Variants in PCDHGA5 observed in about 807,000 individuals in gnomAD.
The protein encoded by PCDHGA5 is protocadherin gamma-A5.
Under a neutral mutation model 56.7 loss-of-function variants are expected in PCDHGA5, and 36 were observed. That is an observed-to-expected ratio of 0.64 (90% CI 0.49 to 0.84). The LOEUF (loss-of-function observed/expected upper bound fraction) is 0.84, where lower values mean the gene tolerates loss of function less well. Among genes scored for constraint, PCDHGA5 ranks in the 40% least tolerant of loss-of-function variants. The pLI is 0.00. For synonymous variants in PCDHGA5, 563 were observed against 520.2 expected (o/e 1.08, Z -1.12); for missense variants, 1,305 against 1,201.5 (o/e 1.09, Z -1.27).
chr5:141,500,445 G>A (rs1319009998), intron 2 of PCDHGA5, among the ~76,000 whole-genome samples: 1 of 151,816 alleles, frequency 6.6e-6, no homozygotes, highest in Non-Finnish European at 1.5e-5. Flanking sequence ...TCCTGACCTC[G>A]TGATCCGCCC....
chr5:141,506,017 C>G (rs2099850061), intron 3 of PCDHGA5, among the ~76,000 whole-genome samples: 1 of 152,176 alleles, frequency 6.6e-6, no homozygotes, highest in Non-Finnish European at 1.5e-5. Flanking sequence ...TTTGCTGCCC[C>G]TAACTCCAGA....
At chr5:141,423,882 C>T in intron 1 of PCDHGA5, 3 of 1,282,372 alleles carry the variant, frequency 2.3e-6, no homozygotes, top group Non-Finnish European at 3.0e-6. Context: ...TCAATCTTGG[C>T]ATATTTTCTT....
chr5:141,401,125 C>T (rs2094118410), intron 1 of PCDHGA5, among the ~76,000 whole-genome samples: 1 of 152,200 alleles, frequency 6.6e-6, no homozygotes, highest in South Asian at 2.1e-4. Context: ...GGTTGGATCA[C>T]ATGGTCAGGA....
chr5:141,404,001 C>T, intron 1 of PCDHGA5: 8 of 1,613,870 alleles, frequency 5.0e-6, no homozygotes, highest in South Asian at 1.1e-5. Context: ...GTGACCATTA[C>T]ATCTCTGTTT....
chr5:141,465,505 G>C (rs905617997), intron 1 of PCDHGA5, among the ~76,000 whole-genome samples: 1 of 152,190 alleles, frequency 6.6e-6, no homozygotes, highest in Non-Finnish European at 1.5e-5. Context: ...CATTGTCGTG[G>C]TCAGGAAGGA....
At chr5:141,394,300 T>A (rs753637808) in intron 1 of PCDHGA5, 1 of 1,613,938 alleles carries the variant, frequency 6.2e-7, no homozygotes, top group Admixed American at 1.7e-5. Context: ...GAGGACACGC[T>A]GCAGGGGGCG....
At chr5:141,405,206 A>G in intron 1 of PCDHGA5, 1 of 1,613,648 alleles carries the variant, frequency 6.2e-7, no homozygotes, top group Non-Finnish European at 8.5e-7. Flanking sequence ...TTTCCTACAG[A>G]CCTATTCTCA....
Position 141,485,609 on chromosome 5 carries a change from G to C in PCDHGA5, c.2422-9198G>C, listed in dbSNP as rs1432367043. On this transcript the variant is annotated intron_variant, in intron 1 of 3. Coordinates refer to ENST00000518069, the MANE Select transcript of PCDHGA5 (RefSeq NM_018918.3). The surrounding 1 kb of genome is among the most constrained non-coding windows in gnomAD (Gnocchi z 5.7). ...GCTGGACTTGGAAATTGGGGAGGCA[G>C]CTCCTCCAGGACAGCGTTTCCCGTT... The C allele has an allele frequency of 1.2e-6, 2 of 1,612,138 alleles. No homozygotes were observed. Among genetic ancestry groups the C allele is most frequent in the Non-Finnish European group, 1.7e-6 (2 of 1,178,664 alleles).
chr5:141,394,115 T>A, intron 1 of PCDHGA5: 1 of 1,613,954 alleles, frequency 6.2e-7, no homozygotes, highest in Non-Finnish European at 8.5e-7. Context: ...CTCTGTCCAC[T>A]GAAACTCAAA....
In PCDHGA5 at chr5:141,486,432, G is replaced by T; in HGVS notation, c.2422-8375G>T. On this transcript the variant is annotated intron_variant, in intron 1 of 3. Coordinates refer to ENST00000518069, the MANE Select transcript of PCDHGA5 (RefSeq NM_018918.3). This position sits in a 1 kb window ranked among gnomAD's most constrained non-coding sequence, Gnocchi z 5.0. ...CCCTTGGATCGAGAGGCCAAATCTA[G>T]CTATGACATCATGGTCACTGCTTCT... 4 of 1,614,172 alleles carry T rather than the reference G, an allele frequency of 2.5e-6. No homozygotes were observed. Among genetic ancestry groups the T allele is most frequent in the Non-Finnish European group, 2.5e-6 (3 of 1,180,020 alleles).
chr5:141,482,747 G>T lies in PCDHGA5; in HGVS notation c.2422-12060G>T, dbSNP rs182945398. On this transcript the variant is annotated intron_variant, in intron 1 of 3. Transcript: ENST00000518069. ...CATTGCAAGAAATTCCATGCAGAGG[G>T]ATTATGGTATTTCATTATCACTGAA... Among the ~76,000 whole-genome samples, 567 of 128,410 alleles carry T rather than the reference G, an allele frequency of 4.4e-3. 2 individuals carry two copies. The highest frequency in any genetic ancestry group is 0.019 in the African/African-American group (533 of 28,666). The allele number at this position is 128,410 out of a possible 152,430, so 84.2% of individuals were successfully genotyped here. A position where few individuals can be genotyped will look rare whatever the true frequency, so the allele number is the denominator to read the frequency against.
At chr5:141,436,439 A>G (rs1481744238) in intron 1 of PCDHGA5, among the ~76,000 whole-genome samples, 5 of 152,208 alleles carry the variant, frequency 3.3e-5, no homozygotes, top group African/African-American at 1.2e-4. Flanking sequence ...TCTGGGGATT[A>G]CCTGATACCA....
intron 1 of PCDHGA5, chr5:141,422,628 C>A: frequency 6.2e-7 from 1 of 1,613,410 alleles, no homozygotes; most frequent in Non-Finnish European, 8.5e-7. Context: ...AAAACAACCC[C>A]AGGGGTGCCT....
intron 1 of PCDHGA5, chr5:141,392,992 C>T (rs1233401263): frequency 1.2e-6 from 2 of 1,613,700 alleles, no homozygotes; most frequent in Non-Finnish European, 8.5e-7. Flanking sequence ...CGGAAGCTGG[C>T]GAAGCACGGA....
At chr5:141,398,502 C>A in intron 1 of PCDHGA5, 1 of 1,596,962 alleles carries the variant, frequency 6.3e-7, no homozygotes, top group Admixed American at 1.7e-5. Flanking sequence ...AGATCGAGGA[C>A]ATTAATGACC....
chr5:141,408,833 A>G, intron 1 of PCDHGA5: 1 of 1,613,704 alleles, frequency 6.2e-7, no homozygotes, highest in Non-Finnish European at 8.5e-7. Context: ...TCATAGCTTG[A>G]TATTGACTGC....
intron 2 of PCDHGA5, among the ~76,000 whole-genome samples, chr5:141,496,767 T>C (rs2099771224): frequency 6.6e-6 from 1 of 152,040 alleles, no homozygotes; most frequent in Non-Finnish European, 1.5e-5. Flanking sequence ...ATCGAGCATC[T>C]ACTATGAGCA....
chr5:141,390,321 C>A (rs776100029), intron 1 of PCDHGA5: 1 of 1,606,964 alleles, frequency 6.2e-7, no homozygotes, highest in Non-Finnish European at 8.5e-7. Context: ...TCATTGCCTA[C>A]CCATTTCTCC....
intron 1 of PCDHGA5, chr5:141,411,968 T>C (rs1257112227): frequency 6.6e-6 from 1 of 152,260 alleles, no homozygotes; most frequent in Non-Finnish European, 1.5e-5. Flanking sequence ...GATAAAATCT[T>C]TGAAGAGTTC....
Sources: gnomAD v4.1 joint callset for allele counts (sites outside exome capture counted in the v4.1 genomes callset) on GRCh38, gnomAD v4.1.1 for gene constraint, Gnocchi (gnomAD v3.1) non-coding constraint, MANE v1.5 for transcripts, NCBI Gene and HGNC (gene_info 2026-07-23, HGNC 2026-07-21) for gene names.